Variants in SHC3 observed in about 807,000 individuals in gnomAD.
SHC3 encodes SHC adaptor protein 3.
Under a neutral mutation model 60.4 loss-of-function variants are expected in SHC3, and 15 were observed. The ratio of observed to expected loss-of-function variants is 0.25; its 90% CI spans 0.17 to 0.38. The LOEUF is 0.38. Among genes scored for constraint, SHC3 ranks in the 10% least tolerant of loss-of-function variants. The pLI, the probability that SHC3 is intolerant of heterozygous loss-of-function variation, is 1.00. For missense variants in SHC3, 677 were observed against 786.1 expected (o/e 0.86, Z 1.66); for synonymous variants, 294 against 325.9 (o/e 0.90, Z 1.05).
chr9:89,104,398 T>C (rs1825827041), intron 2 of SHC3, among the ~76,000 whole-genome samples: 1 of 152,186 alleles, frequency 6.6e-6, no homozygotes, highest in African/African-American at 2.4e-5. Context: ...GCAATCTGTG[T>C]TGTAACTAAC....
rs35567194 is a variant in SHC3 at position 89,165,526 on chromosome 9, CAAA to C, written c.474+12458_474+12460del. ...CAGTAGTTTATTGCAATCATCAAGGCAAAAAAAAAAAAAAAAATGGTGAGGGCA... is the reference window on the plus strand; with the variant it reads ...CAGTAGTTTATTGCAATCATCAAGGCAAAAAAAAAAAAAATGGTGAGGGCA... On this transcript the variant is annotated intron_variant, in intron 1 of 11. Coordinates refer to ENST00000375835, the MANE Select transcript of SHC3 (RefSeq NM_016848.6). 5.4e-3 allele frequency among the ~76,000 whole-genome samples: 649 copies of C among 121,150 alleles called. 4 individuals are homozygous for C. The highest frequency in any genetic ancestry group is 0.019 in the African/African-American group (611 of 31,596). The allele number at this position is 121,150 out of a possible 152,430, so 79.5% of individuals were successfully genotyped here. A position where few individuals can be genotyped will look rare whatever the true frequency, so the allele number is the denominator to read the frequency against.
intron 1 of SHC3, among the ~76,000 whole-genome samples, chr9:89,130,092 CA>C (rs532503432): frequency 6.6e-6 from 1 of 151,130 alleles, no homozygotes; most frequent in African/African-American, 2.4e-5. Context: ...AACAAACAAA[CA>C]AAAAAAAGCA....
chr9:89,147,845 T>C (rs1826492173), intron 1 of SHC3, among the ~76,000 whole-genome samples: 1 of 152,060 alleles, frequency 6.6e-6, no homozygotes, highest in Non-Finnish European at 1.5e-5. Context: ...AAATGTTGAG[T>C]CGGTGTCAGC....
intron 11 of SHC3, among the ~76,000 whole-genome samples, chr9:89,015,079 C>G (rs921845487): frequency 1.3e-5 from 2 of 152,162 alleles, no homozygotes; most frequent in African/African-American, 4.8e-5. Flanking sequence ...CAAAAGGAAG[C>G]TTTTTGCAAG....
chr9:89,112,585 A>G lies in SHC3; in HGVS notation c.516T>C (p.Leu172=), dbSNP rs371112257. 1.2e-4 allele frequency: 192 copies of G among 1,598,778 alleles called. 3 individuals are homozygous for G. In the Middle Eastern group the frequency reaches 1.5e-3, roughly 12 times the overall value. ...CIEVLRSMRS[L]DFSTRTQITR... ...TAATTTGTGTTCTTGTACTGAAGTC[A>G]AGAGACCTCATTGAGCGCAGAACTT... Residue 172 remains leucine, a synonymous_variant, in exon 2 of 12, where the codon CTT becomes CTC. Transcript: ENST00000375835.
chr9:89,136,536 T>C (rs557214720), intron 1 of SHC3, among the ~76,000 whole-genome samples: 2 of 152,254 alleles, frequency 1.3e-5, no homozygotes, highest in African/African-American at 4.8e-5. Flanking sequence ...AGTTACCCTA[T>C]ATAAAAAGGG....
At chr9:89,146,792 A>G (rs1826475889) in intron 1 of SHC3, among the ~76,000 whole-genome samples, 1 of 152,250 alleles carries the variant, frequency 6.6e-6, no homozygotes, top group African/African-American at 2.4e-5. Flanking sequence ...AATATACACT[A>G]TCAAGTGTGG....
intron 11 of SHC3, among the ~76,000 whole-genome samples, chr9:89,014,743 C>A (rs1826067197): frequency 6.6e-6 from 1 of 152,058 alleles, no homozygotes; most frequent in Non-Finnish European, 1.5e-5. Flanking sequence ...CCACTCTTGC[C>A]CCTCCCTCTC....
chr9:89,035,856 T>TA (rs1317555722), intron 11 of SHC3, among the ~76,000 whole-genome samples: 8,831 of 88,468 alleles, frequency 0.1, 1,137 homozygotes, highest in African/African-American at 0.36. Context: ...TATAGATGTG[T>TA]GTGTGTGTGT....
intron 5 of SHC3, among the ~76,000 whole-genome samples, chr9:89,068,066 T>C (rs772640375): frequency 7.9e-5 from 12 of 152,178 alleles, no homozygotes; most frequent in Non-Finnish European, 1.5e-4. Flanking sequence ...CTGATGCCAA[T>C]ATTGATCCTT....
intron 1 of SHC3, among the ~76,000 whole-genome samples, chr9:89,165,905 T>C (rs1297385471): frequency 2.0e-5 from 3 of 152,162 alleles, no homozygotes; most frequent in Admixed American, 1.3e-4. Context: ...CTCCTAATTG[T>C]CTTCTAATTG....
At chr9:89,156,480 A>T (rs1009322918) in intron 1 of SHC3, among the ~76,000 whole-genome samples, 9 of 152,152 alleles carry the variant, frequency 5.9e-5, no homozygotes, top group African/African-American at 2.2e-4. Context: ...CCAAAGACAT[A>T]ATTTTTTTAA....
chr9:89,037,841 C>T, intron 11 of SHC3, 152 bp downstream of exon 11: 1 of 1,002,238 alleles, frequency 1.0e-6, no homozygotes, highest in Non-Finnish European at 1.4e-6. Context: ...GGCCTGATGA[C>T]AGGAGTTGTC....
chr9:89,081,479 GT>G (rs1373272366), intron 2 of SHC3, among the ~76,000 whole-genome samples: 1 of 151,730 alleles, frequency 6.6e-6, no homozygotes, highest in Non-Finnish European at 1.5e-5. Context: ...CCCTGAGTGA[GT>G]TTCTTGCCTC....
At chr9:89,098,581 G>A (rs1825738286) in intron 2 of SHC3, among the ~76,000 whole-genome samples, 1 of 152,174 alleles carries the variant, frequency 6.6e-6, no homozygotes, top group African/African-American at 2.4e-5. Flanking sequence ...AGCCAAGGTG[G>A]GCAGATCAGT....
intron 1 of SHC3, 71 bp downstream of exon 1, chr9:89,177,916 G>A: frequency 8.7e-7 from 1 of 1,151,892 alleles, no homozygotes; most frequent in East Asian, 3.9e-5. Context: ...CGGGCTTCAG[G>A]GAATGAAGGA....
intron 6 of SHC3, among the ~76,000 whole-genome samples, chr9:89,057,098 T>G (rs1824964663): frequency 6.6e-6 from 1 of 152,220 alleles, no homozygotes; most frequent in African/African-American, 2.4e-5. Context: ...TTGGAGATAT[T>G]CGAAGTCATT....
intron 1 of SHC3, among the ~76,000 whole-genome samples, chr9:89,176,909 G>A (rs1826949115): frequency 6.6e-6 from 1 of 152,180 alleles, no homozygotes; most frequent in South Asian, 2.1e-4. Flanking sequence ...CTGAGGATGT[G>A]TTCTATTTAA....
At chr9:89,174,684 T>A (rs1459937180) in intron 1 of SHC3, among the ~76,000 whole-genome samples, 1 of 152,214 alleles carries the variant, frequency 6.6e-6, no homozygotes, top group Non-Finnish European at 1.5e-5. Flanking sequence ...GGAGCCCGTC[T>A]TTTGGGGACC....
Sources: allele counts gnomAD v4.1 joint callset (sites outside exome capture counted in the v4.1 genomes callset), GRCh38; gene constraint gnomAD v4.1.1; transcripts MANE v1.5; gene names NCBI Gene and HGNC (gene_info 2026-07-23, HGNC 2026-07-21).